EYA1: variants seen among roughly 807,000 people sequenced by gnomAD.
EYA1 encodes EYA transcriptional coactivator and phosphatase 1, also known as protein phosphatase EYA1.
EYA1 carries 16 observed loss-of-function variants against 82.0 expected under a neutral mutation model. The ratio of observed to expected loss-of-function variants is 0.20; its 90% CI spans 0.13 to 0.30. The LOEUF is 0.30. Among genes scored for constraint, EYA1 ranks in the 10% least tolerant of loss-of-function variants. The pLI, the probability that EYA1 is intolerant of heterozygous loss-of-function variation, is 1.00. For synonymous variants in EYA1, 261 were observed against 264.4 expected (o/e 0.99, Z 0.12); for missense variants, 633 against 730.7 (o/e 0.87, Z 1.54).
chr8:71,321,605 G>A, intron 6 of EYA1, 129 bp downstream of exon 6: 2 of 1,194,816 alleles, frequency 1.7e-6, no homozygotes, highest in East Asian at 2.6e-5. Context: ...ATCATACTAA[G>A]AATTTAGACA....
At chr8:71,512,453 G>T (rs1253227546) in intron 2 of EYA1, among the ~76,000 whole-genome samples, 1 of 151,800 alleles carries the variant, frequency 6.6e-6, no homozygotes, top group Non-Finnish European at 1.5e-5. Flanking sequence ...TAAAAAGCGA[G>T]CAAGCAAAGC....
At chr8:71,511,176 T>C (rs1812571799) in intron 2 of EYA1, among the ~76,000 whole-genome samples, 1 of 152,220 alleles carries the variant, frequency 6.6e-6, no homozygotes, top group Non-Finnish European at 1.5e-5. Flanking sequence ...GTGAAGTCAT[T>C]GAGAAACCTC....
At chr8:71,377,809 GGT>G (rs1231499617) in intron 2 of EYA1, among the ~76,000 whole-genome samples, 2 of 152,056 alleles carry the variant, frequency 1.3e-5, no homozygotes, top group African/African-American at 4.8e-5. Flanking sequence ...GACTTTGCTA[GGT>G]ACCTCACATC....
chr8:71,252,087 G>C (rs60704568), intron 11 of EYA1, among the ~76,000 whole-genome samples: 51,830 of 151,628 alleles, frequency 0.34, 10,260 homozygotes, highest in African/African-American at 0.55. Flanking sequence ...TTCCTCTTGG[G>C]GCCCTGCTTT....
intron 12 of EYA1, among the ~76,000 whole-genome samples, chr8:71,223,728 G>A (rs866313503): frequency 6.6e-6 from 1 of 152,128 alleles, no homozygotes; most frequent in African/African-American, 2.4e-5. Context: ...ACCTTTTTCT[G>A]ATCCATCATC....
At chr8:71,369,002 C>T (rs972161046) in intron 2 of EYA1, among the ~76,000 whole-genome samples, 5 of 132,788 alleles carry the variant, frequency 3.8e-5, no homozygotes, top group African/African-American at 1.2e-4. Flanking sequence ...GCCTGACCAA[C>T]ATTGTGAAAC....
chr8:71,383,154 C>T (rs914211551), intron 2 of EYA1, among the ~76,000 whole-genome samples: 2 of 151,742 alleles, frequency 1.3e-5, no homozygotes, highest in Non-Finnish European at 2.9e-5. Context: ...TACAAATTTA[C>T]ATGACATACC....
At chr8:71,527,644 G>A (rs925300590) in intron 2 of EYA1, among the ~76,000 whole-genome samples, 5 of 152,130 alleles carry the variant, frequency 3.3e-5, no homozygotes, top group African/African-American at 9.7e-5. Context: ...AGCCCCTTAA[G>A]TTGGTCCTCT....
rs573370221 is a variant in EYA1, at chr8:71,440,696, C to T, written c.34-84185G>A. Among the ~76,000 whole-genome samples the T allele has an allele frequency of 1.4e-4, 22 of 152,212 alleles. No individual in the cohort carries two copies. The South Asian group carries it at 4.2e-3, about 29-fold the overall frequency. ...GAACTTGGAGCCCATACGTCAAGTT[C>T]CCATTGGAAATATCTACCTGTGTGT... is the stretch of plus-strand genomic sequence containing the variant. On this transcript the variant is annotated intron_variant, in intron 2 of 18. Transcript: ENST00000643681.
intron 7 of EYA1, among the ~76,000 whole-genome samples, chr8:71,304,001 T>C (rs1820469926): frequency 7.0e-6 from 1 of 142,502 alleles, no homozygotes; most frequent in Non-Finnish European, 1.6e-5. Context: ...TTCTATATTG[T>C]ATAATGGGAA....
At chr8:71,397,766 C>A (rs546717848) in intron 2 of EYA1, among the ~76,000 whole-genome samples, 2 of 151,994 alleles carry the variant, frequency 1.3e-5, no homozygotes, top group South Asian at 4.2e-4. Flanking sequence ...AATTGTGTGT[C>A]TTGGAGTGGC....
chr8:71,509,721 C>T (rs923606518), intron 2 of EYA1, among the ~76,000 whole-genome samples: 1 of 152,056 alleles, frequency 6.6e-6, no homozygotes, highest in African/African-American at 2.4e-5. Context: ...CTACAAATTG[C>T]TCACAAATAT....
chr8:71,463,112 G>C (rs1009703289), intron 2 of EYA1, among the ~76,000 whole-genome samples: 1 of 152,098 alleles, frequency 6.6e-6, no homozygotes, highest in African/African-American at 2.4e-5. Context: ...GTTTGCAATA[G>C]TCTTCAAAAT....
intron 2 of EYA1, among the ~76,000 whole-genome samples, chr8:71,449,950 T>C (rs887235399): frequency 1.3e-5 from 2 of 152,212 alleles, no homozygotes; most frequent in African/African-American, 2.4e-5. Context: ...CCAATGTCTG[T>C]TAGCTTCAAA....
At chr8:71,235,220 A>G (rs1487889246) in intron 12 of EYA1, among the ~76,000 whole-genome samples, 1 of 152,192 alleles carries the variant, frequency 6.6e-6, no homozygotes, top group Non-Finnish European at 1.5e-5. Flanking sequence ...TTAAAAGTGT[A>G]AACACTATTC....
At chr8:71,472,672 C>T (rs76610322) in intron 2 of EYA1, among the ~76,000 whole-genome samples, 9,571 of 151,360 alleles carry the variant, frequency 0.063, 1,028 homozygotes, top group African/African-American at 0.22. Flanking sequence ...TAACTGCCAG[C>T]CATTGAATAA....
intron 12 of EYA1, among the ~76,000 whole-genome samples, chr8:71,218,612 G>T (rs1223491101): frequency 1.3e-5 from 2 of 152,154 alleles, no homozygotes; most frequent in East Asian, 3.8e-4. Flanking sequence ...GCCCTCACAT[G>T]CTGACTGTGA....
In EYA1 at chr8:71,215,615, G is replaced by C; in HGVS notation, c.1474C>G (p.Arg492Gly). 6.2e-7 allele frequency: 1 copy of C among 1,613,420 alleles called. No individual in the cohort carries two copies. The highest frequency in any genetic ancestry group is 8.5e-7 in the Non-Finnish European group (1 of 1,179,380). Residue 492 changes from arginine (R) to glycine (G), a missense_variant and splice_region_variant, in exon 15 of 18, where the codon CGG (arginine) becomes GGG (glycine). Physicochemically the swap from Arg to Gly is moderately radical, Grantham distance 125 (BLOSUM62 -2). Transcript: ENST00000340726. ...CAAAGACCCCGCAGAGAGCCTCACC[G>C]GGAGTGAATGAGCGAGAGTGCTTTC... ...ALKALSLIHS[R>G]TNCVNILVTT...
chr8:71,403,122 A>G (rs1329199251), intron 2 of EYA1, among the ~76,000 whole-genome samples: 1 of 152,204 alleles, frequency 6.6e-6, no homozygotes, highest in Admixed American at 6.5e-5. Context: ...ATGGCATAAG[A>G]CAGCATAACT....
Sources: allele counts gnomAD v4.1 joint callset (sites outside exome capture counted in the v4.1 genomes callset), GRCh38; gene constraint gnomAD v4.1.1; transcripts MANE v1.5; gene names NCBI Gene and HGNC (gene_info 2026-07-23, HGNC 2026-07-21).